Variants in RGS5 observed in about 807,000 individuals in gnomAD.
The protein encoded by RGS5 is regulator of G protein signaling 5.
Under a neutral mutation model 18.9 loss-of-function variants are expected in RGS5, and 20 were observed. The observed-to-expected ratio is 1.06, with a 90% confidence interval of 0.74 to 1.54. RGS5 has a LOEUF of 1.54. RGS5 is among the 40% of genes most tolerant of loss of function. The probability of loss-of-function intolerance (pLI) is 0.00; values close to 1 mark genes in which losing one functional copy is unlikely to be tolerated. For missense variants in RGS5, 201 were observed against 211.8 expected (o/e 0.95, Z 0.32); for synonymous variants, 57 against 76.2 (o/e 0.75, Z 1.31).
intron 1 of RGS5, among the ~76,000 whole-genome samples, chr1:163,186,304 C>T (rs1296978388): frequency 2.0e-5 from 3 of 151,884 alleles, no homozygotes; most frequent in South Asian, 2.1e-4. Flanking sequence ...CTCCTTACCT[C>T]GTGATCTGCC....
intron 2 of RGS5, among the ~76,000 whole-genome samples, chr1:163,224,426 C>T (rs1242777154): frequency 6.6e-6 from 1 of 152,140 alleles, no homozygotes; most frequent in Non-Finnish European, 1.5e-5. Flanking sequence ...TGCATATATA[C>T]CACATTTTTT....
chr1:163,307,292 CTGAAA>C (rs1439346981), intron 1 of RGS5, among the ~76,000 whole-genome samples: 1 of 152,168 alleles, frequency 6.6e-6, no homozygotes, highest in Non-Finnish European at 1.5e-5. Context: ...ATTTTCTTCT[CTGAAA>C]TGAAATAATT....
rs1029966239 is a variant in RGS5, at chr1:163,142,587, A to T, written c.*4755T>A. 2.6e-5 allele frequency: 4 copies of T among 152,150 alleles called. No individual in the cohort carries two copies. Among genetic ancestry groups the T allele is most frequent in the African/African-American group, 9.7e-5 (4 of 41,446 alleles). The allele number at this position is 152,150 out of a possible 1,614,324, so 9.4% of individuals were successfully genotyped here. On this transcript the variant is annotated 3_prime_UTR_variant, in exon 5 of 5. Transcript: ENST00000313961. ...TAGCTCCTTCAAATCCTGACACTATATGACATAAAAAGAACTTTTGGCAAA... is the reference window on the plus strand; with the variant it reads ...TAGCTCCTTCAAATCCTGACACTATTTGACATAAAAAGAACTTTTGGCAAA...
chr1:163,236,537 C>T (rs1264602381), intron 2 of RGS5, among the ~76,000 whole-genome samples: 4 of 152,166 alleles, frequency 2.6e-5, no homozygotes, highest in Non-Finnish European at 5.9e-5. Context: ...TCCAAACCTT[C>T]TGATGGCTTT....
intron 2 of RGS5, among the ~76,000 whole-genome samples, chr1:163,301,147 T>G (rs1179589111): frequency 6.6e-6 from 1 of 152,106 alleles, no homozygotes; most frequent in Non-Finnish European, 1.5e-5. Context: ...ATTTCAGCAA[T>G]GGTGGTTATT....
At chr1:163,305,636 C>CA (rs1649676227) in intron 2 of RGS5, among the ~76,000 whole-genome samples, 2 of 152,202 alleles carry the variant, frequency 1.3e-5, no homozygotes, top group Admixed American at 1.3e-4. Flanking sequence ...ACTCCTCCCC[C>CA]AAATTCCTTG....
chr1:163,289,294 G>A (rs1444211902), intron 2 of RGS5, among the ~76,000 whole-genome samples: 1 of 151,332 alleles, frequency 6.6e-6, no homozygotes, highest in Non-Finnish European at 1.5e-5. Flanking sequence ...ATCTTTCTCT[G>A]AAATGCCCTT....
intron 2 of RGS5, among the ~76,000 whole-genome samples, chr1:163,253,331 CAG>C (rs1359792383): frequency 6.6e-6 from 1 of 152,040 alleles, no homozygotes; most frequent in Non-Finnish European, 1.5e-5. Context: ...TTTCTTGAGA[CAG>C]AGTCTCACTC....
chr1:163,224,498 T>G (rs948802009), intron 2 of RGS5, among the ~76,000 whole-genome samples: 2 of 152,234 alleles, frequency 1.3e-5, no homozygotes, highest in Admixed American at 1.3e-4. Flanking sequence ...TTACAAATAG[T>G]GCTGTAATAA....
At chr1:163,221,049 G>A (rs1283162379), upstream of RGS5, among the ~76,000 whole-genome samples, 1 of 152,156 alleles carries the variant, frequency 6.6e-6, no homozygotes, top group African/African-American at 2.4e-5. Context: ...GCAATAGTAG[G>A]AAGCTAATAG....
intron 1 of RGS5, among the ~76,000 whole-genome samples, chr1:163,197,533 C>G (rs529091572): frequency 5.3e-4 from 80 of 152,206 alleles, no homozygotes; most frequent in African/African-American, 1.9e-3. Flanking sequence ...CTTAAATTTC[C>G]ATGGGAGCAG....
At chr1:163,257,152 G>C (rs920845338) in intron 2 of RGS5, among the ~76,000 whole-genome samples, 4 of 152,012 alleles carry the variant, frequency 2.6e-5, no homozygotes, top group Non-Finnish European at 4.4e-5. Context: ...AGTCTAATTA[G>C]GACAACTAAA....
Position 163,210,541 on chromosome 1 carries a change from A to G in RGS5, c.69+6985T>C, listed in dbSNP as rs113335164. On this transcript the variant is annotated intron_variant, in intron 1 of 5. Coordinates refer to the RGS5 transcript ENST00000367903. ...GGGGTTAAGAGTACAGACTGAAGAA[A>G]GAGAGAAAGTATCTCAATTCAAACT... Among the ~76,000 whole-genome samples the G allele has an allele frequency of 8.5e-3, 1,294 of 152,304 alleles. 19 individuals are homozygous for G. The highest frequency in any genetic ancestry group is 0.03 in the African/African-American group (1,226 of 41,556).
intron 2 of RGS5, among the ~76,000 whole-genome samples, chr1:163,229,397 C>T (rs979274269): frequency 6.6e-6 from 1 of 152,212 alleles, no homozygotes; most frequent in African/African-American, 2.4e-5. Context: ...ATCCAATTAC[C>T]TCCACCTGGT....
intron 1 of RGS5, among the ~76,000 whole-genome samples, chr1:163,185,967 T>C (rs1323431150): frequency 6.6e-6 from 1 of 152,174 alleles, no homozygotes; most frequent in Non-Finnish European, 1.5e-5. Flanking sequence ...CATGTCAGCA[T>C]ATGGGCTTTT....
chr1:163,153,348 A>T (rs1657452943), intron 3 of RGS5, among the ~76,000 whole-genome samples: 1 of 152,202 alleles, frequency 6.6e-6, no homozygotes, highest in African/African-American at 2.4e-5. Context: ...ACACGATGAA[A>T]GGAAAACTGT....
intron 1 of RGS5, among the ~76,000 whole-genome samples, chr1:163,314,412 G>T (rs957348441): frequency 1.3e-5 from 2 of 152,036 alleles, no homozygotes; most frequent in Non-Finnish European, 2.9e-5. Flanking sequence ...AAAAGATATA[G>T]AGAACTTAGA....
At chr1:163,216,172 G>A (rs1457596789) in intron 1 of RGS5, among the ~76,000 whole-genome samples, 1 of 152,122 alleles carries the variant, frequency 6.6e-6, no homozygotes, top group Admixed American at 6.5e-5. Flanking sequence ...GCTAATGTGG[G>A]AGTCGGGAAG....
At chr1:163,234,141 C>T (rs1038896039) in intron 2 of RGS5, among the ~76,000 whole-genome samples, 6 of 152,180 alleles carry the variant, frequency 3.9e-5, no homozygotes, top group African/African-American at 1.4e-4. Context: ...GATAAGATCA[C>T]ATATGCTTGC....
Sources: gnomAD v4.1 joint callset for allele counts (sites outside exome capture counted in the v4.1 genomes callset) on GRCh38, gnomAD v4.1.1 for gene constraint, MANE v1.5 for transcripts, NCBI Gene and HGNC (gene_info 2026-07-23, HGNC 2026-07-21) for gene names.